The following PSMA8 variants were observed in gnomAD, a reference collection of about 807,000 sequenced individuals.
PSMA8 encodes proteasome 20S subunit alpha 8.
A neutral mutation model predicts 32.4 loss-of-function variants in PSMA8; 18 were observed. The observed-to-expected ratio is 0.56, with a 90% CI of 0.38 to 0.82. The LOEUF is 0.82. Ranked by LOEUF, PSMA8 falls within the 40% of genes least tolerant of loss-of-function variation. The probability of loss-of-function intolerance (pLI) is 0.00; values close to 1 mark genes in which losing one functional copy is unlikely to be tolerated. For missense variants in PSMA8, 298 were observed against 300.7 expected (o/e 0.99, Z 0.07); for synonymous variants, 104 against 98.1 (o/e 1.06, Z -0.36).
At chr18:26,143,109 A>C (rs1316705426) in intron 1 of PSMA8, among the ~76,000 whole-genome samples, 2 of 152,192 alleles carry the variant, frequency 1.3e-5, no homozygotes, top group East Asian at 1.9e-4. Context: ...ATTTTGCACT[A>C]TATAGCAGAT....
At chr18:26,141,670 A>G (rs1354813853) in intron 1 of PSMA8, among the ~76,000 whole-genome samples, 1 of 150,732 alleles carries the variant, frequency 6.6e-6, no homozygotes, top group African/African-American at 2.5e-5. Flanking sequence ...ATAAGAACAA[A>G]AGCGTAGTTC....
intron 2 of PSMA8, among the ~76,000 whole-genome samples, chr18:26,150,390 T>G (rs967001575): frequency 1.3e-5 from 2 of 151,778 alleles, no homozygotes; most frequent in South Asian, 4.2e-4. Context: ...CCAGTGGGAG[T>G]ACAGTGGCAC....
intron 4 of PSMA8, among the ~76,000 whole-genome samples, chr18:26,163,285 AG>A (rs2055153713): frequency 7.1e-6 from 1 of 141,554 alleles, no homozygotes; most frequent in African/African-American, 2.7e-5. Context: ...ATGAGACAAC[AG>A]GGTTAGGAGG....
At chr18:26,159,905 TA>T (rs34398992) in intron 4 of PSMA8, among the ~76,000 whole-genome samples, 8,534 of 152,034 alleles carry the variant, frequency 0.056, 706 homozygotes, top group African/African-American at 0.18. Flanking sequence ...ACGCAGCTTT[TA>T]AAAAAAATCA....
chr18:26,190,533 G>T (rs1158704213), intron 6 of PSMA8, among the ~76,000 whole-genome samples: 1 of 152,160 alleles, frequency 6.6e-6, no homozygotes, highest in Admixed American at 6.5e-5. Flanking sequence ...CAAATCGATT[G>T]AGCCCAGGAG....
intron 1 of PSMA8, among the ~76,000 whole-genome samples, chr18:26,142,908 T>TG: frequency 6.6e-6 from 1 of 152,124 alleles, no homozygotes; most frequent in Non-Finnish European, 1.5e-5. Flanking sequence ...CATACGAATT[T>TG]GGGGGGAATA....
At chr18:26,175,490 T>A (rs908711085) in intron 4 of PSMA8, among the ~76,000 whole-genome samples, 3 of 152,156 alleles carry the variant, frequency 2.0e-5, no homozygotes, top group Non-Finnish European at 2.9e-5. Context: ...TTGATACTCT[T>A]CGTCACTGAG....
rs1420987062 is a variant in PSMA8, at chr18:26,163,213, G to GTGTGTATATA, written c.477+4970_477+4971insGTGTATATAT. ...AGGTGGTGTGTGTTTATGTGTGTGT[G>GTGTGTATATA]TATATATATATATATATATATATAT... On this transcript the variant is annotated intron_variant, in intron 4 of 6. Transcript: ENST00000415576. Among the ~76,000 whole-genome samples, 34 of 80,878 alleles carry GTGTGTATATA rather than the reference G, an allele frequency of 4.2e-4. 1 individual carries two copies. The highest frequency in any genetic ancestry group is 1.7e-3 in the African/African-American group (32 of 19,362). 53.1% of individuals were successfully genotyped at this position (80,878 alleles called of 152,430 possible). A position where few individuals can be genotyped will look rare whatever the true frequency, so the allele number is the denominator to read the frequency against.
At chr18:26,145,051 CA>C (rs1293560379) in intron 2 of PSMA8, among the ~76,000 whole-genome samples, 11 of 152,140 alleles carry the variant, frequency 7.2e-5, no homozygotes, top group Admixed American at 4.6e-4. Context: ...AGAGTGTATT[CA>C]GATTTTGCCA....
intron 4 of PSMA8, among the ~76,000 whole-genome samples, chr18:26,163,600 C>A (rs934884522): frequency 6.6e-6 from 1 of 152,132 alleles, no homozygotes; most frequent in South Asian, 2.1e-4. Context: ...AACGTGACTA[C>A]GCTACAGCAA....
At chr18:26,140,027 A>T in intron 1 of PSMA8, 1 of 702,414 alleles carries the variant, frequency 1.4e-6, no homozygotes, top group East Asian at 2.7e-5. Context: ...TCCATACTTT[A>T]TTTTCTTCCT....
chr18:26,179,639 G>A (rs1422421778), intron 6 of PSMA8, among the ~76,000 whole-genome samples: 2 of 152,116 alleles, frequency 1.3e-5, no homozygotes, highest in African/African-American at 4.8e-5. Context: ...TGTGATAGAG[G>A]ACCCACTGGC....
intron 1 of PSMA8, among the ~76,000 whole-genome samples, chr18:26,134,500 T>G (rs2054895157): frequency 6.6e-6 from 1 of 152,120 alleles, no homozygotes. Context: ...CTGGAAAAGT[T>G]AACAGTTGCT....
At chr18:26,178,419 G>T (rs891815242) in intron 4 of PSMA8, among the ~76,000 whole-genome samples, 10 of 152,176 alleles carry the variant, frequency 6.6e-5, no homozygotes, top group Middle Eastern at 3.4e-3. Context: ...AGAACAGCCT[G>T]GGCAACATAG....
At chr18:26,183,995 A>G (rs1244163533) in intron 6 of PSMA8, among the ~76,000 whole-genome samples, 4 of 150,910 alleles carry the variant, frequency 2.7e-5, no homozygotes, top group Non-Finnish European at 5.9e-5. Flanking sequence ...GATTGTTAGC[A>G]TTTTTTAGCA....
At chr18:26,138,160 C>A (rs929824622) in intron 1 of PSMA8, among the ~76,000 whole-genome samples, 1 of 152,202 alleles carries the variant, frequency 6.6e-6, no homozygotes, top group Non-Finnish European at 1.5e-5. Flanking sequence ...TACTGTCAGT[C>A]TCCAGATTAT....
intron 3 of PSMA8, among the ~76,000 whole-genome samples, chr18:26,153,164 G>C (rs970952628): frequency 2.0e-5 from 3 of 151,938 alleles, no homozygotes; most frequent in Non-Finnish European, 4.4e-5. Flanking sequence ...ATGCAACATT[G>C]TCTTTTTAGT....
At chr18:26,146,459 T>C (rs1382333701) in intron 2 of PSMA8, among the ~76,000 whole-genome samples, 1 of 152,148 alleles carries the variant, frequency 6.6e-6, no homozygotes, top group Non-Finnish European at 1.5e-5. Context: ...AAACAAGTCT[T>C]AATAAATATA....
chr18:26,142,503 C>T (rs1306768735), intron 1 of PSMA8, among the ~76,000 whole-genome samples: 1 of 152,116 alleles, frequency 6.6e-6, no homozygotes, highest in Non-Finnish European at 1.5e-5. Context: ...TACTTGTATT[C>T]TTCTTGTTTG....
Sources: gnomAD v4.1 joint callset for allele counts (sites outside exome capture counted in the v4.1 genomes callset) on GRCh38, gnomAD v4.1.1 for gene constraint, MANE v1.5 for transcripts, NCBI Gene and HGNC (gene_info 2026-07-23, HGNC 2026-07-21) for gene names.